Variants in CWC27 observed in about 807,000 individuals in gnomAD.
CWC27 encodes CWC27 spliceosome associated cyclophilin, also known as spliceosome-associated protein CWC27 homolog.
In CWC27, 47 loss-of-function variants were observed where a neutral mutation model predicts 63.6. That is an observed-to-expected ratio of 0.74 (90% CI 0.58 to 0.94). The LOEUF (loss-of-function observed/expected upper bound fraction) is 0.94. CWC27 is among the 40% of genes least tolerant of loss of function. The probability of loss-of-function intolerance (pLI) is 0.00; values close to 1 mark genes in which losing one functional copy is unlikely to be tolerated. For synonymous variants in CWC27, 175 were observed against 179.8 expected, an observed-to-expected ratio of 0.97 and a Z score of 0.22; for missense variants, 495 against 554.3, an observed-to-expected ratio of 0.89 and a Z score of 1.07.
intron 13 of CWC27, among the ~76,000 whole-genome samples, chr5:65,004,292 C>G (rs1046604866): frequency 2.0e-5 from 3 of 149,986 alleles, no homozygotes; most frequent in African/African-American, 7.4e-5. Context: ...AATATGTTTT[C>G]TATGCTTTTG....
At chr5:64,942,555 A>T (rs1035018625) in intron 11 of CWC27, among the ~76,000 whole-genome samples, 1 of 152,058 alleles carries the variant, frequency 6.6e-6, no homozygotes, top group Non-Finnish European at 1.5e-5. Flanking sequence ...GCAAACCTGG[A>T]TGTACCCCCT....
intron 11 of CWC27, among the ~76,000 whole-genome samples, chr5:64,950,867 A>T (rs1748692354): frequency 6.6e-6 from 1 of 151,960 alleles, no homozygotes; most frequent in Non-Finnish European, 1.5e-5. Flanking sequence ...TCAGAATTTC[A>T]TGTGAATGGT....
rs564722422 is a variant in CWC27, at chr5:64,794,333, A to T, written c.669+5313A>T. 7.9e-5 allele frequency among the ~76,000 whole-genome samples: 12 copies of T among 152,230 alleles called. No homozygotes were observed. The East Asian group carries it at 2.3e-3, about 29-fold the overall frequency. Reference sequence around the variant, plus strand: ...CTGACCAAAGGGTGCTTTGTTGTCAACTCATGCCAATTTGAACTAGTAATT... The same window carrying T: ...CTGACCAAAGGGTGCTTTGTTGTCATCTCATGCCAATTTGAACTAGTAATT... On this transcript the variant is annotated intron_variant, in intron 7 of 13. Transcript: ENST00000381070.
At chr5:64,992,493 G>A (rs1478336384) in intron 13 of CWC27, among the ~76,000 whole-genome samples, 2 of 151,470 alleles carry the variant, frequency 1.3e-5, no homozygotes, top group Non-Finnish European at 2.9e-5. Context: ...GCTAGTTACA[G>A]CATATATCAC....
rs775352610 is a variant in CWC27 at position 64,786,595 on chromosome 5, G to A, written c.567G>A (p.Glu189=). 1.3e-6 allele frequency: 2 copies of A among 1,584,694 alleles called. No homozygotes were observed. The highest frequency in any genetic ancestry group is 1.2e-5 in the South Asian group (1 of 85,738). ...GGCTGAAAAAAGAGAAACCAGAGGA[G>A]GAAGTAAAGAAATTGAAACCCAAAG... ...IKRLKKEKPE[E]EVKKLKPKGT... Residue 189 remains glutamate (E), a synonymous_variant, in exon 6 of 14, where the codon GAG becomes GAA. Transcript: ENST00000381070.
chr5:65,012,397 A>G (rs1189585148), intron 13 of CWC27, among the ~76,000 whole-genome samples: 3 of 152,226 alleles, frequency 2.0e-5, no homozygotes, highest in Non-Finnish European at 4.4e-5. Context: ...ACCAGACAAC[A>G]TGGGAAAGCT....
Position 65,010,225 on chromosome 5 carries a change from G to A in CWC27, c.1257-7934G>A, listed in dbSNP as rs1393051898. Among the ~76,000 whole-genome samples the A allele has an allele frequency of 2.0e-5, 3 of 152,182 alleles. No homozygotes were observed. In the East Asian group the frequency reaches 5.8e-4, roughly 29 times the overall value. The stretch of plus-strand genomic sequence containing the variant: ...TTGAAAAAAACAGGGACATACACCA[G>A]TGGGAAGGAGGCGGAAGGGCGTCCC... On this transcript the variant is annotated intron_variant, in intron 13 of 13. Transcript: ENST00000381070.
At chr5:64,927,962 C>T (rs970825379) in intron 11 of CWC27, among the ~76,000 whole-genome samples, 14 of 152,124 alleles carry the variant, frequency 9.2e-5, no homozygotes, top group Non-Finnish European at 1.9e-4. Flanking sequence ...CGAGACCAGC[C>T]TGGACAACAT....
intron 11 of CWC27, among the ~76,000 whole-genome samples, chr5:64,921,946 G>A (rs570776680): frequency 6.6e-6 from 1 of 152,314 alleles, no homozygotes; most frequent in East Asian, 1.9e-4. Context: ...GAAATTCTTG[G>A]TTGGAACTTC....
chr5:65,015,528 T>G (rs1404748654), intron 13 of CWC27, among the ~76,000 whole-genome samples: 2 of 152,192 alleles, frequency 1.3e-5, no homozygotes, highest in African/African-American at 4.8e-5. Flanking sequence ...TGTACTGAAG[T>G]GCAGTAGAGG....
chr5:64,900,995 G>A (rs942066108), intron 11 of CWC27, among the ~76,000 whole-genome samples: 1 of 150,570 alleles, frequency 6.6e-6, no homozygotes, highest in African/African-American at 2.5e-5. Context: ...AGACTTTTTT[G>A]TGATTTTTTT....
At chr5:64,860,400 G>A (rs947945928) in intron 10 of CWC27, among the ~76,000 whole-genome samples, 1 of 151,966 alleles carries the variant, frequency 6.6e-6, no homozygotes, top group African/African-American at 2.4e-5. Context: ...CGACTGTTGG[G>A]GCTAAGTGCC....
At chr5:64,775,897 A>G (rs533060740) in intron 2 of CWC27, among the ~76,000 whole-genome samples, 1 of 152,204 alleles carries the variant, frequency 6.6e-6, no homozygotes, top group South Asian at 2.1e-4. Flanking sequence ...GTTTTATTCA[A>G]GGTATCAGAA....
chr5:64,986,740 A>AGTATGTGACAGAAT (rs1749441548), intron 13 of CWC27, among the ~76,000 whole-genome samples: 1 of 150,912 alleles, frequency 6.6e-6, no homozygotes, highest in African/African-American at 2.5e-5. Context: ...ATCCACACTC[A>AGTATGTGACAGAAT]GCTTCCTGCA....
At position 64,977,205 on chromosome 5, in the gene CWC27, T is replaced by C; in HGVS notation, c.1223T>C (p.Ile408Thr). The change falls in exon 13 of 14, where the codon ATT (isoleucine) becomes ACT (threonine). Residue 408 changes from isoleucine to threonine, a missense_variant. Physicochemically the swap from Ile to Thr is moderately conservative, Grantham distance 89. This residue lies in a region of CWC27 where 463 missense variants were observed against 498.1 expected (regional missense o/e 0.93). Transcript: ENST00000381070. ...ATTGCTGAAACGCCTGAAAATGACATTCCTGAAACAGAAGTAGAAGATGAT... is the reference window on the plus strand; with the variant it reads ...ATTGCTGAAACGCCTGAAAATGACACTCCTGAAACAGAAGTAGAAGATGAT... ...QAIAETPEND[I>T]PETEVEDDEG... 6.2e-7 allele frequency: 1 copy of C among 1,611,960 alleles called. No individual in the cohort carries two copies. Among genetic ancestry groups the C allele is most frequent in the South Asian group, 1.1e-5 (1 of 90,698 alleles).
intron 10 of CWC27, among the ~76,000 whole-genome samples, chr5:64,816,926 A>G (rs1309408780): frequency 2.6e-5 from 4 of 152,124 alleles, no homozygotes; most frequent in African/African-American, 9.7e-5. Context: ...CTTTTGGCTG[A>G]TCACCTTGTA....
chr5:64,857,623 T>A (rs1200094390), intron 10 of CWC27, among the ~76,000 whole-genome samples: 1 of 152,134 alleles, frequency 6.6e-6, no homozygotes, highest in Non-Finnish European at 1.5e-5. Flanking sequence ...TTTAGTCAGG[T>A]CATATATATC....
At chr5:64,863,645 C>T (rs1746470687) in intron 10 of CWC27, among the ~76,000 whole-genome samples, 1 of 152,010 alleles carries the variant, frequency 6.6e-6, no homozygotes, top group South Asian at 2.1e-4. Flanking sequence ...TGGGAACGCA[C>T]CATCATGCCT....
chr5:64,984,346 T>C (rs1483733083), intron 13 of CWC27, among the ~76,000 whole-genome samples: 1 of 152,244 alleles, frequency 6.6e-6, no homozygotes, highest in Non-Finnish European at 1.5e-5. Context: ...TGGTTCATAA[T>C]GGGCTTTCAA....
Sources: allele counts gnomAD v4.1 joint callset (sites outside exome capture counted in the v4.1 genomes callset), GRCh38; gene constraint gnomAD v4.1.1; regional missense constraint gnomAD v4.1.1; transcripts MANE v1.5; gene names NCBI Gene and HGNC (gene_info 2026-07-23, HGNC 2026-07-21).